The following CPAMD8 variants were observed in gnomAD, a reference collection of about 807,000 sequenced individuals.
CPAMD8 encodes the protein C3 and PZP like alpha-2-macroglobulin domain containing 8.
CPAMD8 carries 146 observed loss-of-function variants against 224.7 expected under a neutral mutation model. The observed-to-expected ratio is 0.65, with a 90% CI of 0.57 to 0.75. CPAMD8 has a LOEUF of 0.75. CPAMD8 is among the 30% of genes least tolerant of loss of function. CPAMD8 has a pLI of 0.00. For missense variants in CPAMD8, 2,301 were observed against 2,537.5 expected (o/e 0.91, Z 2.00); for synonymous variants, 966 against 1,044.6 (o/e 0.92, Z 1.45).
Position 17,011,756 on chromosome 19 carries a change from A to G in CPAMD8, c.269T>C (p.Val90Ala), listed in dbSNP as rs777076332. Residue 90 changes from valine (V) to alanine (A), a missense_variant and splice_region_variant, in exon 4 of 42, where the codon GTG becomes GCG. Val to Ala is a moderately conservative substitution (Grantham distance 64). Around this residue, in one of 4 missense-constraint regions of CPAMD8, gnomAD observed 283 missense variants for 340.6 expected, o/e 0.83. Coordinates refer to ENST00000443236, the MANE Select transcript of CPAMD8 (RefSeq NM_015692.5). The stretch of plus-strand genomic sequence containing the variant: ...CGCTTGGCCCCGGAGGCCCGTGGGC[A>G]CCTGCAGGCAGAGGAAGGAGCTTTG... ...ILDKGTIKLK[V>A]PTGLRGQALL... is the part of the protein sequence containing the mutation. 1.2e-5 allele frequency: 19 copies of G among 1,612,494 alleles called. No homozygotes were observed. The highest frequency in any genetic ancestry group is 1.4e-5 in the Non-Finnish European group (16 of 1,179,516).
chr19:17,023,335 C>T (rs2057005720), intron 1 of CPAMD8, among the ~76,000 whole-genome samples: 1 of 152,018 alleles, frequency 6.6e-6, no homozygotes, highest in Non-Finnish European at 1.5e-5. Context: ...CCAGGTCCTC[C>T]CCACCTGAGC....
intron 15 of CPAMD8, 90 bp from the exon 16 acceptor site, chr19:16,976,241 C>T (rs1410655549): frequency 4.7e-6 from 5 of 1,074,370 alleles, no homozygotes; most frequent in African/African-American, 3.2e-5. Flanking sequence ...TTTGGGAGGC[C>T]GAGGCGGGTG....
chr19:16,936,814 C>T (rs944032041), intron 23 of CPAMD8, among the ~76,000 whole-genome samples: 7 of 152,128 alleles, frequency 4.6e-5, no homozygotes, highest in African/African-American at 1.7e-4. Context: ...GTATTTTCTC[C>T]CAGTCTGTAG....
intron 23 of CPAMD8, among the ~76,000 whole-genome samples, chr19:16,932,235 C>T (rs983898847): frequency 2.0e-5 from 3 of 152,130 alleles, no homozygotes; most frequent in African/African-American, 4.8e-5. Context: ...GCCTGGGCAA[C>T]ATGGCGAAAC....
rs374607547 is a variant in CPAMD8 at position 16,950,024 on chromosome 19, G to A, written c.2508+1945C>T. On this transcript the variant is annotated intron_variant, in intron 20 of 41. Transcript: ENST00000443236. ...GATAAAATGATGAAGGTGGCCAGGC[G>A]TGGTGGCTCATGCCTGTAATCCCAG... Among the ~76,000 whole-genome samples, 243 of 152,256 alleles carry A rather than the reference G, an allele frequency of 1.6e-3. 5 individuals are homozygous for A. The Middle Eastern group carries it at 0.034, about 21-fold the overall frequency.
chr19:17,007,404 G>A (rs1306968824), intron 7 of CPAMD8, among the ~76,000 whole-genome samples: 1 of 151,420 alleles, frequency 6.6e-6, no homozygotes, highest in Non-Finnish European at 1.5e-5. Context: ...GAGGAAGGAG[G>A]AAGAAGAAGC....
At chr19:16,986,393 C>G (rs2055722677) in intron 13 of CPAMD8, among the ~76,000 whole-genome samples, 2 of 152,126 alleles carry the variant, frequency 1.3e-5, no homozygotes, top group South Asian at 4.1e-4. Context: ...CAGGTCTCCC[C>G]CTAATCAGAA....
rs1458398237 is a variant in CPAMD8, at chr19:16,997,336, G to C, written c.870C>G (p.Ile290Met). ...VGRPVLRTTK[I>M]LGSRDFDICV... Reference sequence around the variant, plus strand: ...AGATGTCGAAGTCCCGGGAGCCGAGGATCTGGAGGGAGGAAAAACACAGCC... The same window carrying C: ...AGATGTCGAAGTCCCGGGAGCCGAGCATCTGGAGGGAGGAAAAACACAGCC... Residue 290 changes from isoleucine to methionine, a missense_variant and splice_region_variant, in exon 11 of 42, where the codon ATC becomes ATG. This residue lies in a region of CPAMD8 where 301 missense variants were observed against 406.6 expected (regional missense o/e 0.74). Coordinates refer to ENST00000443236, the MANE Select transcript of CPAMD8 (RefSeq NM_015692.5). The C allele has an allele frequency of 3.8e-6, 6 of 1,562,164 alleles. No homozygotes were observed. Among genetic ancestry groups the C allele is most frequent in the Non-Finnish European group, 5.2e-6 (6 of 1,144,258 alleles).
intron 14 of CPAMD8, among the ~76,000 whole-genome samples, chr19:16,978,472 A>C (rs992239992): frequency 1.3e-5 from 2 of 152,182 alleles, no homozygotes; most frequent in Non-Finnish European, 2.9e-5. Context: ...CCAGAAGAGA[A>C]GAGAAGACCA....
chr19:16,976,087 G>A lies in CPAMD8; in HGVS notation c.1823C>T (p.Ala608Val), dbSNP rs2055257923. ...PGEVVDLRIR[A>V]ARGSCVCVAA... ...GACGCACACACAGCTGCCCCTTGCAGCCCTGATCCGCAGGTCGACAACCTC... is the reference window on the plus strand; with the variant it reads ...GACGCACACACAGCTGCCCCTTGCAACCCTGATCCGCAGGTCGACAACCTC... Residue 608 changes from alanine (A) to valine (V), a missense_variant, in exon 16 of 42, where the codon GCT becomes GTT. By Grantham distance (64) the Ala-to-Val change is moderately conservative. Around this residue, in one of 4 missense-constraint regions of CPAMD8, gnomAD observed 1,709 missense variants for 1,753.2 expected, o/e 0.97. Coordinates refer to ENST00000443236, the MANE Select transcript of CPAMD8 (RefSeq NM_015692.5). 6 of 1,612,704 alleles carry A rather than the reference G, an allele frequency of 3.7e-6. No individual in the cohort carries two copies. In the African/African-American group the frequency reaches 8.0e-5, roughly 21 times the overall value.
chr19:16,923,636 A>T (rs924905053), intron 26 of CPAMD8, among the ~76,000 whole-genome samples: 1 of 152,226 alleles, frequency 6.6e-6, no homozygotes, highest in Non-Finnish European at 1.5e-5. Flanking sequence ...TTTATTTAGG[A>T]TGGGCCCTAA....
At chr19:16,973,795 C>T (rs1304718571) in intron 17 of CPAMD8, among the ~76,000 whole-genome samples, 1 of 150,646 alleles carries the variant, frequency 6.6e-6, no homozygotes, top group Non-Finnish European at 1.5e-5. Flanking sequence ...ATCATGAAAA[C>T]GTCCAGAGAT....
chr19:16,896,237 TCAGCTTCA>T lies in CPAMD8; in HGVS notation c.5357_5364del (p.Val1786GlufsTer6). 1 of 1,613,674 alleles carries T rather than the reference TCAGCTTCA, an allele frequency of 6.2e-7. No homozygotes were observed. Among genetic ancestry groups the T allele is most frequent in the South Asian group, 1.1e-5 (1 of 91,082 alleles). On this transcript the variant is annotated frameshift_variant, in exon 41 of 42. Transcript: ENST00000443236. LOFTEE classifies it high-confidence loss of function. ...TCCTCCACCTCAAGGCCGGCTCCAT[TCAGCTTCA>T]CGTCCTGCTGTAAAGGCCCCGGGGC...
At chr19:16,945,466 A>G in intron 22 of CPAMD8, 83 bp downstream of exon 22, 1 of 1,551,358 alleles carries the variant, frequency 6.4e-7, no homozygotes, top group East Asian at 2.3e-5. Context: ...TCAGCCTCAG[A>G]CCACACACTC....
At chr19:17,017,238 G>A (rs988381181) in intron 3 of CPAMD8, among the ~76,000 whole-genome samples, 4 of 152,130 alleles carry the variant, frequency 2.6e-5, no homozygotes, top group Admixed American at 2.0e-4. Flanking sequence ...ATCACCCCCA[G>A]GTGGGACCAT....
chr19:16,925,707 T>C (rs2053334690), intron 25 of CPAMD8, among the ~76,000 whole-genome samples: 3 of 152,206 alleles, frequency 2.0e-5, no homozygotes. Context: ...ATCCTACAAA[T>C]ATTGGTATGT....
chr19:16,980,419 C>A, intron 14 of CPAMD8, 78 bp downstream of exon 14: 1 of 1,431,568 alleles, frequency 7.0e-7, no homozygotes, highest in South Asian at 1.3e-5. Flanking sequence ...TGCCTTGTCC[C>A]TCCTTGCAGG....
At chr19:16,945,334 C>T (rs550833200) in intron 22 of CPAMD8, among the ~76,000 whole-genome samples, 9 of 152,160 alleles carry the variant, frequency 5.9e-5, no homozygotes, top group Admixed American at 2.0e-4. Flanking sequence ...GCTGCTTTAC[C>T]GAAGCCCACT....
intron 11 of CPAMD8, 27 bp downstream of exon 11, chr19:16,997,084 G>A (rs2122979311): frequency 1.4e-6 from 2 of 1,460,774 alleles, no homozygotes; most frequent in East Asian, 2.3e-5. Context: ...CCTTGGGCGG[G>A]AGGCAGCACA....
Sources: gnomAD v4.1 joint callset for allele counts (sites outside exome capture counted in the v4.1 genomes callset) on GRCh38, gnomAD v4.1.1 for gene constraint, gnomAD v4.1.1 regional missense constraint, MANE v1.5 for transcripts, NCBI Gene and HGNC (gene_info 2026-07-23, HGNC 2026-07-21) for gene names.